SIPA1L2: variants seen among roughly 807,000 people sequenced by gnomAD.
SIPA1L2 encodes signal induced proliferation associated 1 like 2, also known as signal-induced proliferation-associated 1-like protein 2.
SIPA1L2 carries 56 observed loss-of-function variants against 163.9 expected under a neutral mutation model. The observed-to-expected ratio is 0.34, with a 90% CI of 0.28 to 0.43. The LOEUF (loss-of-function observed/expected upper bound fraction) is 0.43. SIPA1L2 is among the 20% of genes least tolerant of loss of function. SIPA1L2 has a pLI of 1.00. For synonymous variants in SIPA1L2, 877 were observed against 865.7 expected (o/e 1.01, Z -0.23); for missense variants, 1,974 against 2,193.5 (o/e 0.90, Z 2.00).
At chr1:232,431,229 G>A (rs1397346159) in intron 16 of SIPA1L2, among the ~76,000 whole-genome samples, 2 of 152,228 alleles carry the variant, frequency 1.3e-5, no homozygotes, top group East Asian at 3.9e-4. Context: ...AAATACCAAT[G>A]TATCATTCTA....
At chr1:232,400,532 C>T (rs1208663925) in intron 22 of SIPA1L2, among the ~76,000 whole-genome samples, 1 of 152,034 alleles carries the variant, frequency 6.6e-6, no homozygotes, top group Non-Finnish European at 1.5e-5. Context: ...ATTGTTCAGG[C>T]CAGATCTCCA....
chr1:232,418,575 C>G (rs930998618), intron 18 of SIPA1L2, among the ~76,000 whole-genome samples: 5 of 152,210 alleles, frequency 3.3e-5, no homozygotes, highest in East Asian at 3.9e-4. Context: ...CTACCCCCTA[C>G]GCAATGCATG....
At chr1:232,412,228 T>C (rs1351712446) in intron 19 of SIPA1L2, among the ~76,000 whole-genome samples, 1 of 152,076 alleles carries the variant, frequency 6.6e-6, no homozygotes, top group Non-Finnish European at 1.5e-5. Flanking sequence ...ATAAACGAGG[T>C]AGACTAATGG....
In SIPA1L2 at chr1:232,471,474, G is replaced by A. The variant is rs200216436; in HGVS notation, c.2140C>T (p.Pro714Ser). 873 of 1,613,946 alleles carry A rather than the reference G, an allele frequency of 5.4e-4. 1 individual carries two copies. The highest frequency in any genetic ancestry group is 6.9e-4 in the Non-Finnish European group (813 of 1,179,978). The change falls in exon 8 of 23, where the codon CCT (proline) becomes TCT (serine). Residue 714 changes from proline (P) to serine (S), a missense_variant. Pro to Ser is a moderately conservative substitution (Grantham distance 74). Transcript: ENST00000674635. ...TTTGGAGTAAAAGGAAGTGCCCCAG[G>A]CTCCTGGAAGACGATGGTGACGATG... ...NDIVTIVFQEPGALPFTPKSI... is the reference protein window; with the variant it reads ...NDIVTIVFQESGALPFTPKSI...
At chr1:232,428,868 GT>G (rs1662058203) in intron 16 of SIPA1L2, among the ~76,000 whole-genome samples, 1 of 152,102 alleles carries the variant, frequency 6.6e-6, no homozygotes, top group Admixed American at 6.5e-5. Flanking sequence ...TTCCTAATCT[GT>G]GTCAGAAAAC....
intron 1 of SIPA1L2, among the ~76,000 whole-genome samples, chr1:232,592,438 C>T (rs1468382706): frequency 6.6e-6 from 1 of 152,138 alleles, no homozygotes; most frequent in East Asian, 1.9e-4. Context: ...ATTGTAGCCA[C>T]CTAAAATGTT....
chr1:232,499,623 G>A (rs150938360), intron 3 of SIPA1L2, among the ~76,000 whole-genome samples: 11 of 152,330 alleles, frequency 7.2e-5, no homozygotes, highest in African/African-American at 2.6e-4. Context: ...AAGTGCTGAT[G>A]GAGTGAAGCT....
chr1:232,497,451 G>A (rs999108667), intron 3 of SIPA1L2, among the ~76,000 whole-genome samples: 29 of 152,078 alleles, frequency 1.9e-4, no homozygotes, highest in African/African-American at 6.8e-4. Context: ...GCCTGTCAGT[G>A]GGGACAGTAC....
intron 2 of SIPA1L2, among the ~76,000 whole-genome samples, chr1:232,538,780 G>A (rs747179379): frequency 1.3e-5 from 2 of 151,964 alleles, no homozygotes; most frequent in Non-Finnish European, 2.9e-5. Context: ...GGTACAATTT[G>A]AGTAGAGAGC....
intron 10 of SIPA1L2, among the ~76,000 whole-genome samples, chr1:232,459,967 G>A (rs1253239605): frequency 6.6e-6 from 1 of 152,082 alleles, no homozygotes; most frequent in Non-Finnish European, 1.5e-5. Flanking sequence ...GAGACTTAGA[G>A]AGAGTGTGTG....
intron 2 of SIPA1L2, among the ~76,000 whole-genome samples, chr1:232,549,288 C>T (rs904744910): frequency 4.6e-5 from 7 of 152,170 alleles, no homozygotes; most frequent in African/African-American, 9.7e-5. Flanking sequence ...GACCAGCCAC[C>T]TTTCTTCCTC....
chr1:232,613,949 G>C (rs1329964817), intron 1 of SIPA1L2, among the ~76,000 whole-genome samples: 2 of 152,126 alleles, frequency 1.3e-5, no homozygotes, highest in African/African-American at 4.8e-5. Context: ...AGAACACTTA[G>C]CAGGAGGGCA....
intron 9 of SIPA1L2, among the ~76,000 whole-genome samples, chr1:232,461,597 T>C (rs148365430): frequency 1.7e-4 from 26 of 152,292 alleles, no homozygotes; most frequent in African/African-American, 6.3e-4. Context: ...GGAAAACCTG[T>C]AAAGACTTTG....
intron 2 of SIPA1L2, among the ~76,000 whole-genome samples, chr1:232,521,855 C>CAT (rs1485216748): frequency 6.6e-6 from 1 of 152,180 alleles, no homozygotes; most frequent in East Asian, 1.9e-4. Context: ...CTCATAGTCT[C>CAT]ATATGCCATC....
rs1324776639 is a variant in SIPA1L2, at chr1:232,514,909, A to T, written c.431T>A (p.Ile144Asn). The part of the protein sequence containing the change: ...FVEAKYTIGD[I>N]FVHSPQRGLH... ...TCCTCTTTGGGGGGAATGGACAAAGATGTCTCCGATTGTGTACTTGGCCTC... is the reference window on the plus strand; with the variant it reads ...TCCTCTTTGGGGGGAATGGACAAAGTTGTCTCCGATTGTGTACTTGGCCTC... The change falls in exon 3 of 23, where the codon ATC becomes AAC. Residue 144 changes from isoleucine (I) to asparagine (N), a missense_variant. Ile to Asn is a moderately radical substitution (Grantham distance 149). This residue lies in a region of SIPA1L2 where 607 missense variants were observed against 624.0 expected (regional missense o/e 0.97). Coordinates refer to ENST00000674635, the MANE Select transcript of SIPA1L2 (RefSeq NM_020808.5). 6 of 1,614,114 alleles carry T rather than the reference A, an allele frequency of 3.7e-6. No homozygotes were observed. Among genetic ancestry groups the T allele is most frequent in the Non-Finnish European group, 5.1e-6 (6 of 1,180,016 alleles).
intron 1 of SIPA1L2, among the ~76,000 whole-genome samples, chr1:232,623,775 C>T (rs956206511): frequency 2.0e-5 from 3 of 151,998 alleles, no homozygotes; most frequent in Admixed American, 6.6e-5. Flanking sequence ...GAAATGTCTT[C>T]GGGAAAAAGA....
chr1:232,548,492 A>G (rs1209290244), intron 2 of SIPA1L2, among the ~76,000 whole-genome samples: 3 of 152,256 alleles, frequency 2.0e-5, no homozygotes, highest in Admixed American at 6.5e-5. Flanking sequence ...GGAAGACAAA[A>G]TATTTGTTTT....
At chr1:232,487,856 T>C (rs1037196061) in intron 5 of SIPA1L2, among the ~76,000 whole-genome samples, 2 of 151,538 alleles carry the variant, frequency 1.3e-5, no homozygotes, top group Admixed American at 6.6e-5. Context: ...AGTGGTTACA[T>C]GACAAACCAG....
intron 17 of SIPA1L2, among the ~76,000 whole-genome samples, chr1:232,426,226 C>T (rs975045135): frequency 1.3e-5 from 2 of 152,216 alleles, no homozygotes; most frequent in African/African-American, 4.8e-5. Flanking sequence ...TAGGCAATTT[C>T]TCTACCAATC....
Sources: allele counts gnomAD v4.1 joint callset (sites outside exome capture counted in the v4.1 genomes callset), GRCh38; gene constraint gnomAD v4.1.1; regional missense constraint gnomAD v4.1.1; transcripts MANE v1.5; gene names NCBI Gene and HGNC (gene_info 2026-07-23, HGNC 2026-07-21).